The following SUN2 variants were observed in gnomAD, a reference collection of about 807,000 sequenced individuals.
SUN2 encodes the protein SUN domain-containing protein 2.
In SUN2, 60 loss-of-function variants were observed where a neutral mutation model predicts 100.0. The ratio of observed to expected loss-of-function variants is 0.60; its 90% CI spans 0.49 to 0.74. The LOEUF (loss-of-function observed/expected upper bound fraction) is 0.74, where lower values mean the gene tolerates loss of function less well. SUN2 is among the 30% of genes least tolerant of loss of function. The probability of loss-of-function intolerance (pLI) is 0.00; values close to 1 mark genes in which losing one functional copy is unlikely to be tolerated. For synonymous variants in SUN2, 367 were observed against 403.3 expected (o/e 0.91, Z 1.08); for missense variants, 834 against 954.6 (o/e 0.87, Z 1.66).
rs1569309357 is a variant in SUN2 at position 38,755,983 on chromosome 22, C to T, written c.-258G>A. On this transcript the variant is annotated 5_prime_UTR_variant, in exon 1 of 18. Transcript: ENST00000689035. This position sits in a 1 kb window ranked among gnomAD's most constrained non-coding sequence, Gnocchi z 5.7. ...GAGGCCCGCGCTGCGCGAGTGGGGC[C>T]GGGCGGCGCGCGTGTGGCCGACTCT... 4 of 984,206 alleles carry T rather than the reference C, an allele frequency of 4.1e-6. No individual in the cohort carries two copies. In the African/African-American group the frequency reaches 7.0e-5, roughly 17 times the overall value. The allele number at this position is 984,206 out of a possible 1,614,324, so 61.0% of individuals were successfully genotyped here. A position where few individuals can be genotyped will look rare whatever the true frequency, so the allele number is the denominator to read the frequency against.
chr22:38,753,492 A>G (rs1020431728), intron 1 of SUN2, among the ~76,000 whole-genome samples: 2 of 152,086 alleles, frequency 1.3e-5, no homozygotes, highest in South Asian at 4.1e-4. Flanking sequence ...CTGGGATTAC[A>G]GGCATGAGCC....
At position 38,740,063 on chromosome 22, in the gene SUN2, A is replaced by T; in HGVS notation, c.1357-120T>A. The stretch of plus-strand genomic sequence containing the variant: ...GGGTAGGAGGGAGGCCACTGGAGGA[A>T]AGAGTTATGAACACTCCATGGGCAC... On this transcript the variant is annotated intron_variant, in intron 12 of 17. Coordinates refer to ENST00000689035, the MANE Select transcript of SUN2 (RefSeq NM_015374.3). This position sits in a 1 kb window ranked among gnomAD's most constrained non-coding sequence, Gnocchi z 4.8. 1 of 1,280,314 alleles carries T rather than the reference A, an allele frequency of 7.8e-7. No homozygotes were observed. The highest frequency in any genetic ancestry group is 1.4e-5 in the South Asian group (1 of 71,540). 79.3% of individuals were successfully genotyped at this position (1,280,314 alleles called of 1,614,324 possible). A position where few individuals can be genotyped will look rare whatever the true frequency, so the allele number is the denominator to read the frequency against.
At chr22:38,750,807 C>T in intron 4 of SUN2, 91 bp downstream of exon 4, 1 of 1,562,144 alleles carries the variant, frequency 6.4e-7, no homozygotes, top group Non-Finnish European at 8.7e-7. Flanking sequence ...ACATGCTGCC[C>T]TCTCTCCAGC....
rs138320872 is a variant in SUN2, at chr22:38,750,286, C to T, written c.459G>A (p.Ser153=). The T allele has an allele frequency of 5.6e-5, 91 of 1,613,798 alleles. No homozygotes were observed. Among genetic ancestry groups the T allele is most frequent in the Non-Finnish European group, 7.3e-5 (86 of 1,179,976 alleles). The change falls in exon 5 of 18, where the codon TCG becomes TCA. Residue 153 remains serine (S), a synonymous_variant. Coordinates refer to ENST00000689035, the MANE Select transcript of SUN2 (RefSeq NM_015374.3). ...CCCGTGAGACGGCGCTTCGGAGCCG[C>T]GAGCTGGAACTCTGCTGGTCCACAT... is the stretch of plus-strand genomic sequence containing the variant. ...YSDVDQQSSS[S]RLRSAVSRAG...
rs764382637 is a variant in SUN2 at position 38,740,431 on chromosome 22, T to C, written c.1192A>G (p.Met398Val). 2 of 1,508,830 alleles carry C rather than the reference T, an allele frequency of 1.3e-6. No homozygotes were observed. Among genetic ancestry groups the C allele is most frequent in the South Asian group, 1.3e-5 (1 of 79,172 alleles). 93.5% of individuals were successfully genotyped at this position (1,508,830 alleles called of 1,614,324 possible). A position where few individuals can be genotyped will look rare whatever the true frequency, so the allele number is the denominator to read the frequency against. Residue 398 changes from methionine (M) to valine (V), a missense_variant and splice_region_variant, in exon 12 of 18, where the codon ATG (methionine) becomes GTG (valine). Met to Val is a conservative substitution (Grantham distance 21). Coordinates refer to ENST00000689035, the MANE Select transcript of SUN2 (RefSeq NM_015374.3). This position sits in a 1 kb window ranked among gnomAD's most constrained non-coding sequence, Gnocchi z 4.8. The part of the protein sequence containing the change: ...IQQLKSEWQS[M>V]TQESFQESSV... ...CTCTCCTGGAAGGACTCCTGGGTCA[T>C]GCTGGTCCCAGAGAGAGAAGAGTAA...
chr22:38,746,344 C>T (rs1400975828), intron 7 of SUN2, among the ~76,000 whole-genome samples: 4 of 152,136 alleles, frequency 2.6e-5, no homozygotes, highest in Non-Finnish European at 4.4e-5. Flanking sequence ...GGCCCAGACA[C>T]GAGCACCAAG....
At chr22:38,745,017 C>T in intron 8 of SUN2, 1 of 471,054 alleles carries the variant, frequency 2.1e-6, no homozygotes, top group African/African-American at 2.0e-5. Context: ...GTCTATTTCC[C>T]TCTCCTTGAA....
intron 8 of SUN2, chr22:38,745,247 C>T (rs536723975): frequency 6.6e-4 from 309 of 466,152 alleles, no homozygotes; most frequent in Non-Finnish European, 1.2e-3. Flanking sequence ...TGGCCCCCAG[C>T]TGACCCCCCC....
intron 8 of SUN2, chr22:38,745,212 G>C (rs1569300625): frequency 4.2e-6 from 2 of 470,642 alleles, no homozygotes; most frequent in Non-Finnish European, 8.8e-6. Flanking sequence ...GAGTACAGCT[G>C]TCCTAGGCAA....
chr22:38,743,013 A>T (rs1227922153), intron 8 of SUN2: 3 of 158,228 alleles, frequency 1.9e-5, no homozygotes, highest in African/African-American at 7.2e-5. Flanking sequence ...CTCCTTCCCT[A>T]GGTAACTATG....
chr22:38,749,928 G>A, intron 5 of SUN2, 69 bp from the exon 6 acceptor site: 1 of 1,473,694 alleles, frequency 6.8e-7, no homozygotes. Flanking sequence ...TGTCCCGTCT[G>A]CCGTCCTCCC....
Position 38,751,270 on chromosome 22 carries a change from G to A in SUN2, c.226C>T (p.His76Tyr). ...CTCCTGGGTGGGAACCAGGACTCGT[G>A]GACCAGCGACTCACTGTAGTAGGAG... ...HTSYYSESLV[H>Y]ESWFPPRSSL... Residue 76 changes from histidine (H) to tyrosine (Y), a missense_variant, in exon 3 of 18, where the codon CAC becomes TAC. His to Tyr is a moderately conservative substitution (Grantham distance 83). This residue lies in a region of SUN2 where 559 missense variants were observed against 597.7 expected (regional missense o/e 0.94). Coordinates refer to ENST00000689035, the MANE Select transcript of SUN2 (RefSeq NM_015374.3). 6.2e-7 allele frequency: 1 copy of A among 1,614,116 alleles called. No individual in the cohort carries two copies. The highest frequency in any genetic ancestry group is 8.5e-7 in the Non-Finnish European group (1 of 1,179,982).
At chr22:38,752,163 C>T (rs1278149209) in intron 2 of SUN2, among the ~76,000 whole-genome samples, 10 of 152,110 alleles carry the variant, frequency 6.6e-5, no homozygotes, top group African/African-American at 2.2e-4. Context: ...TTAGTAGAGA[C>T]GGAGTTTCAC....
chr22:38,749,250 G>A (rs995755606), intron 6 of SUN2, among the ~76,000 whole-genome samples: 10 of 152,266 alleles, frequency 6.6e-5, no homozygotes, highest in Admixed American at 1.3e-4. Context: ...CTGCCTAAGG[G>A]GCACATTCTC....
rs1057428365 is a variant in SUN2 at position 38,746,509 on chromosome 22, G to T, written c.686-698C>A. ...TTCGCTACTCAAGCACCAGAGGTTG[G>T]CAGGTGCAAAAGGAAGCTCATGCCC... On this transcript the variant is annotated intron_variant, in intron 7 of 17. Coordinates refer to ENST00000689035, the MANE Select transcript of SUN2 (RefSeq NM_015374.3). Among the ~76,000 whole-genome samples, 16 of 152,314 alleles carry T rather than the reference G, an allele frequency of 1.1e-4. No homozygotes were observed. In the South Asian group the frequency reaches 3.3e-3, roughly 32 times the overall value.
Position 38,751,196 on chromosome 22 carries a change from G to A in SUN2, c.286+14C>T. 6.2e-7 allele frequency: 1 copy of A among 1,606,954 alleles called. No individual in the cohort carries two copies. The highest frequency in any genetic ancestry group is 1.1e-5 in the South Asian group (1 of 90,966). On this transcript the variant is annotated intron_variant, in intron 3 of 17. Coordinates refer to ENST00000689035, the MANE Select transcript of SUN2 (RefSeq NM_015374.3). The stretch of plus-strand genomic sequence containing the variant: ...GAGGAAGCAAAGCCCCGGGACGGAG[G>A]GCTCCACACTCACCCCAGTTGGCGT...
Position 38,740,534 on chromosome 22 carries a change from G to T in SUN2, c.1191-102C>A. On this transcript the variant is annotated intron_variant, in intron 11 of 17. Coordinates refer to ENST00000689035, the MANE Select transcript of SUN2 (RefSeq NM_015374.3). This position sits in a 1 kb window ranked among gnomAD's most constrained non-coding sequence, Gnocchi z 4.8. Reference sequence around the variant, plus strand: ...CCCCTAGTGGGCTCCCGTCAGGAGAGCGGGTGCCCAGCACTCATTGTGAAC... The same window carrying T: ...CCCCTAGTGGGCTCCCGTCAGGAGATCGGGTGCCCAGCACTCATTGTGAAC... 7.7e-7 allele frequency: 1 copy of T among 1,296,142 alleles called. No homozygotes were observed. The highest frequency in any genetic ancestry group is 1.0e-6 in the Non-Finnish European group (1 of 977,302). The allele number at this position is 1,296,142 out of a possible 1,614,324, so 80.3% of individuals were successfully genotyped here. A position where few individuals can be genotyped will look rare whatever the true frequency, so the allele number is the denominator to read the frequency against.
intron 7 of SUN2, among the ~76,000 whole-genome samples, chr22:38,747,638 A>G (rs1464150335): frequency 6.6e-6 from 1 of 152,166 alleles, no homozygotes; most frequent in Non-Finnish European, 1.5e-5. Context: ...GCTGAACACA[A>G]AATGTCTATA....
Position 38,740,405 on chromosome 22 carries a change from G to T in SUN2, c.1218C>A (p.Ser406Arg). Residue 406 changes from serine (S) to arginine (R), a missense_variant, in exon 12 of 18, where the codon AGC becomes AGA. By Grantham distance (110) the Ser-to-Arg change is moderately radical. Coordinates refer to ENST00000689035, the MANE Select transcript of SUN2 (RefSeq NM_015374.3). This position sits in a 1 kb window ranked among gnomAD's most constrained non-coding sequence, Gnocchi z 4.8. Reference protein sequence around the residue: ...QSMTQESFQESSVKELRRLED... With the variant: ...QSMTQESFQERSVKELRRLED... ...CCAGCCGCCTCAGCTCCTTCACAGAGCTCTCCTGGAAGGACTCCTGGGTCA... is the reference window on the plus strand; with the variant it reads ...CCAGCCGCCTCAGCTCCTTCACAGATCTCTCCTGGAAGGACTCCTGGGTCA... 2 of 1,566,298 alleles carry T rather than the reference G, an allele frequency of 1.3e-6. No homozygotes were observed. The highest frequency in any genetic ancestry group is 1.9e-5 in the Admixed American group (1 of 53,658).
Sources: allele counts gnomAD v4.1 joint callset (sites outside exome capture counted in the v4.1 genomes callset), GRCh38; gene constraint gnomAD v4.1.1; regional missense constraint gnomAD v4.1.1; non-coding constraint Gnocchi (gnomAD v3.1); transcripts MANE v1.5; gene names NCBI Gene and HGNC (gene_info 2026-07-23, HGNC 2026-07-21).